HCN1: variants seen among roughly 807,000 people sequenced by gnomAD.
HCN1 encodes hyperpolarization activated cyclic nucleotide gated potassium channel 1.
A neutral mutation model predicts 78.9 loss-of-function variants in HCN1; 13 were observed. That is an observed-to-expected ratio of 0.16 (90% CI 0.11 to 0.26). The LOEUF (loss-of-function observed/expected upper bound fraction) is 0.26, where lower values mean the gene tolerates loss of function less well. Ranked by LOEUF, HCN1 falls within the 10% of genes least tolerant of loss-of-function variation. HCN1 has a pLI of 1.00. For synonymous variants in HCN1, 552 were observed against 455.5 expected (o/e 1.21, Z -2.70); for missense variants, 810 against 1,154.3 (o/e 0.70, Z 4.32).
At chr5:45,645,912 T>G (rs1745539269) in intron 1 of HCN1, among the ~76,000 whole-genome samples, 1 of 152,024 alleles carries the variant, frequency 6.6e-6, no homozygotes, top group African/African-American at 2.4e-5. Flanking sequence ...AAAAGCAACC[T>G]ACCTTATACT....
Position 45,614,652 on chromosome 5 carries a change from T to C in HCN1, c.849+30533A>G, listed in dbSNP as rs1177180233. On this transcript the variant is annotated intron_variant, in intron 2 of 7. Transcript: ENST00000303230. ...TGAACTATCCCTGTGGCTTCTCCTC[T>C]TTTCTCTAATGATTTCTCCTCTGCC... 3.3e-5 allele frequency among the ~76,000 whole-genome samples: 5 copies of C among 152,256 alleles called. No individual in the cohort carries two copies. The East Asian group carries it at 9.6e-4, about 29-fold the overall frequency.
Position 45,338,033 on chromosome 5 carries a change from G to T in HCN1, c.1377+15067C>A, listed in dbSNP as rs192342301. Reference sequence around the variant, plus strand: ...TGAGGTTTTTGTAAGAGGTTTCAAAGTTCTCACAAATGTAGTTCTTACCGC... The same window carrying T: ...TGAGGTTTTTGTAAGAGGTTTCAAATTTCTCACAAATGTAGTTCTTACCGC... On this transcript the variant is annotated intron_variant, in intron 5 of 7. Transcript: ENST00000303230. Among the ~76,000 whole-genome samples the T allele has an allele frequency of 2.0e-3, 310 of 152,222 alleles. 2 individuals are homozygous for T. The highest frequency in any genetic ancestry group is 7.0e-3 in the African/African-American group (289 of 41,574).
intron 5 of HCN1, among the ~76,000 whole-genome samples, chr5:45,307,402 G>C (rs1172888068): frequency 6.6e-6 from 1 of 152,086 alleles, no homozygotes; most frequent in Non-Finnish European, 1.5e-5. Context: ...GAGGGGAAAA[G>C]TAGTAACTTT....
intron 2 of HCN1, among the ~76,000 whole-genome samples, chr5:45,521,000 T>G (rs1379700106): frequency 2.6e-5 from 4 of 151,800 alleles, no homozygotes; most frequent in Non-Finnish European, 5.9e-5. Context: ...TTTTTTTTTT[T>G]GTTTTTTTGG....
At chr5:45,371,025 T>C (rs917659724) in intron 4 of HCN1, among the ~76,000 whole-genome samples, 1 of 151,976 alleles carries the variant, frequency 6.6e-6, no homozygotes, top group Non-Finnish European at 1.5e-5. Context: ...GAAGAAAACA[T>C]TACAGACGTT....
At chr5:45,672,324 ATTG>A (rs1334979730) in intron 1 of HCN1, among the ~76,000 whole-genome samples, 1 of 151,570 alleles carries the variant, frequency 6.6e-6, no homozygotes, top group Non-Finnish European at 1.5e-5. Flanking sequence ...TTTTAAAGTT[ATTG>A]TTAATAATAA....
intron 1 of HCN1, among the ~76,000 whole-genome samples, chr5:45,669,035 T>G (rs541602561): frequency 6.6e-6 from 1 of 151,942 alleles, no homozygotes; most frequent in East Asian, 1.9e-4. Context: ...CTTAAAATCT[T>G]GAGAAAATTC....
At chr5:45,663,827 T>G (rs1256275106) in intron 1 of HCN1, among the ~76,000 whole-genome samples, 1 of 148,786 alleles carries the variant, frequency 6.7e-6, no homozygotes, top group Admixed American at 6.7e-5. Flanking sequence ...GGAGAGGATG[T>G]GGAGAAATAG....
intron 3 of HCN1, among the ~76,000 whole-genome samples, chr5:45,451,689 T>C (rs561917612): frequency 1.3e-4 from 20 of 151,928 alleles, no homozygotes; most frequent in African/African-American, 4.8e-4. Context: ...AGTGAATAAA[T>C]AGCTGACCTT....
At chr5:45,300,733 G>A (rs2111900053) in intron 6 of HCN1, among the ~76,000 whole-genome samples, 1 of 152,176 alleles carries the variant, frequency 6.6e-6, no homozygotes, top group South Asian at 2.1e-4. Context: ...AAGATCAACT[G>A]TATACTTTCA....
chr5:45,421,651 AAAGGAACTGAAATATACAGATTTC>A (rs1740231313), intron 3 of HCN1, among the ~76,000 whole-genome samples: 1 of 152,196 alleles, frequency 6.6e-6, no homozygotes, highest in Non-Finnish European at 1.5e-5. Context: ...TTTTTAAAGT[AAAGGAACTGAAATATACAGATTTC>A]AATGTTGAAT....
At chr5:45,515,217 G>A (rs1215424828) in intron 2 of HCN1, among the ~76,000 whole-genome samples, 2 of 151,902 alleles carry the variant, frequency 1.3e-5, no homozygotes, top group Non-Finnish European at 1.5e-5. Context: ...CCATCAAGCT[G>A]TAATAGGTTT....
At position 45,664,066 on chromosome 5, in the gene HCN1, C is replaced by T. The variant is rs374077291; in HGVS notation, c.426-18458G>A. Among the ~76,000 whole-genome samples the T allele has an allele frequency of 3.9e-4, 50 of 127,686 alleles. 1 individual carries two copies. The East Asian group carries it at 7.3e-3, about 19-fold the overall frequency. The allele number at this position is 127,686 out of a possible 152,430, so 83.8% of individuals were successfully genotyped here. Reference sequence around the variant, plus strand: ...AAGACTTGGAACCAACCCAAATGTCCAACAATGATAGACTGGATTAAGAAA... The same window carrying T: ...AAGACTTGGAACCAACCCAAATGTCTAACAATGATAGACTGGATTAAGAAA... On this transcript the variant is annotated intron_variant, in intron 1 of 7. Coordinates refer to ENST00000303230, the MANE Select transcript of HCN1 (RefSeq NM_021072.4).
intron 2 of HCN1, among the ~76,000 whole-genome samples, chr5:45,535,851 T>C (rs1346809274): frequency 6.6e-6 from 1 of 152,184 alleles, no homozygotes; most frequent in Non-Finnish European, 1.5e-5. Flanking sequence ...ATCCGATTCC[T>C]TCAGACTCTT....
intron 6 of HCN1, among the ~76,000 whole-genome samples, chr5:45,295,002 A>T (rs1327384419): frequency 6.6e-6 from 1 of 152,056 alleles, no homozygotes; most frequent in African/African-American, 2.4e-5. Context: ...TGATGAGATT[A>T]TAAAATCTAA....
At chr5:45,487,577 T>C (rs1393719144) in intron 2 of HCN1, among the ~76,000 whole-genome samples, 1 of 152,042 alleles carries the variant, frequency 6.6e-6, no homozygotes, top group African/African-American at 2.4e-5. Flanking sequence ...TTCACAAACA[T>C]GAAAATCCAC....
At chr5:45,384,258 A>C (rs1000561733) in intron 4 of HCN1, among the ~76,000 whole-genome samples, 2 of 152,176 alleles carry the variant, frequency 1.3e-5, no homozygotes, top group Non-Finnish European at 2.9e-5. Context: ...GCCTTGTGAT[A>C]GATGAATGTA....
intron 2 of HCN1, among the ~76,000 whole-genome samples, chr5:45,471,867 T>C (rs1741396581): frequency 1.3e-5 from 2 of 151,964 alleles, no homozygotes; most frequent in African/African-American, 4.8e-5. Context: ...GATTTGTGTC[T>C]ATCATTATTT....
chr5:45,391,879 C>T (rs547636081), intron 4 of HCN1, among the ~76,000 whole-genome samples: 1 of 152,126 alleles, frequency 6.6e-6, no homozygotes, highest in South Asian at 2.1e-4. Context: ...TATACAATGG[C>T]ATGATCAAGA....
Sources: allele counts gnomAD v4.1 joint callset (sites outside exome capture counted in the v4.1 genomes callset), GRCh38; gene constraint gnomAD v4.1.1; transcripts MANE v1.5; gene names NCBI Gene and HGNC (gene_info 2026-07-23, HGNC 2026-07-21).